TRAF3: variants seen among roughly 807,000 people sequenced by gnomAD.
TRAF3 encodes the protein TNF receptor associated factor 3, also known as TNF receptor-associated factor 3.
A neutral mutation model predicts 62.3 loss-of-function variants in TRAF3; 13 were observed. The ratio of observed to expected loss-of-function variants is 0.21; its 90% CI spans 0.14 to 0.33. The LOEUF is 0.33. Among genes scored for constraint, TRAF3 ranks in the 10% least tolerant of loss-of-function variants. The probability of loss-of-function intolerance (pLI) is 1.00; values close to 1 mark genes in which losing one functional copy is unlikely to be tolerated. For missense variants in TRAF3, 440 were observed against 741.8 expected, an observed-to-expected ratio of 0.59 and a Z score of 4.73; for synonymous variants, 269 against 283.4, an observed-to-expected ratio of 0.95 and a Z score of 0.51.
intron 2 of TRAF3, among the ~76,000 whole-genome samples, chr14:102,832,519 C>G (rs1030222348): frequency 1.3e-5 from 2 of 152,078 alleles, no homozygotes; most frequent in African/African-American, 4.8e-5. Flanking sequence ...ACTAAAAATA[C>G]AAATATGAGC....
intron 2 of TRAF3, among the ~76,000 whole-genome samples, chr14:102,859,804 T>C (rs1383773463): frequency 6.6e-6 from 1 of 152,198 alleles, no homozygotes; most frequent in Non-Finnish European, 1.5e-5. Flanking sequence ...GGTTTTTCCT[T>C]TGCCAGTTTC....
intron 2 of TRAF3, among the ~76,000 whole-genome samples, chr14:102,856,458 T>C (rs925476666): frequency 6.6e-6 from 1 of 152,212 alleles, no homozygotes; most frequent in South Asian, 2.1e-4. Context: ...TTTAGCATGC[T>C]GATGCATTAT....
At chr14:102,895,087 AG>A (rs1889931416) in intron 9 of TRAF3, 1 of 455,888 alleles carries the variant, frequency 2.2e-6, no homozygotes, top group Non-Finnish European at 4.4e-6. Flanking sequence ...ATGAGAATAA[AG>A]AGTCTGAGAA....
intron 10 of TRAF3, among the ~76,000 whole-genome samples, chr14:102,902,844 A>C (rs566224036): frequency 6.6e-6 from 1 of 152,286 alleles, no homozygotes; most frequent in East Asian, 1.9e-4. Context: ...CACCAGTGCC[A>C]CTGTGAAACA....
In TRAF3 at chr14:102,910,953, T is replaced by C. The variant is rs1890837560; in HGVS notation, c.*5169T>C. 1 of 152,228 alleles carries C rather than the reference T, an allele frequency of 6.6e-6. No individual in the cohort carries two copies. The highest frequency in any genetic ancestry group is 2.4e-5 in the African/African-American group (1 of 41,452). 9.4% of individuals were successfully genotyped at this position (152,228 alleles called of 1,614,324 possible). A position where few individuals can be genotyped will look rare whatever the true frequency, so the allele number is the denominator to read the frequency against. On this transcript the variant is annotated 3_prime_UTR_variant, in exon 12 of 12. Transcript: ENST00000392745. ...GATGTCCGGTGATTTCTGTAAGAAA[T>C]GCCTGTAGGAGAAGGTCTGTGAAGT...
intron 6 of TRAF3, among the ~76,000 whole-genome samples, chr14:102,881,536 A>G (rs1297622593): frequency 6.6e-6 from 1 of 152,228 alleles, no homozygotes; most frequent in Non-Finnish European, 1.5e-5. Flanking sequence ...AGAGCTGAAC[A>G]ATGAGAACAC....
chr14:102,785,729 T>C (rs1386875915), intron 1 of TRAF3, among the ~76,000 whole-genome samples: 1 of 152,214 alleles, frequency 6.6e-6, no homozygotes, highest in African/African-American at 2.4e-5. Context: ...TGTCAAGGTT[T>C]TGAACGTGCA....
At chr14:102,904,592 C>T (rs1288118458) in intron 11 of TRAF3, among the ~76,000 whole-genome samples, 1 of 151,632 alleles carries the variant, frequency 6.6e-6, no homozygotes, top group African/African-American at 2.4e-5. Flanking sequence ...GGGCAGATCA[C>T]GAGGTCAGGA....
At chr14:102,831,340 C>T (rs1248084917) in intron 2 of TRAF3, among the ~76,000 whole-genome samples, 1 of 152,202 alleles carries the variant, frequency 6.6e-6, no homozygotes, top group African/African-American at 2.4e-5. Context: ...AGGGCATTGA[C>T]ATAACAAGGT....
At chr14:102,857,225 T>G (rs1480960885) in intron 2 of TRAF3, among the ~76,000 whole-genome samples, 8 of 152,284 alleles carry the variant, frequency 5.3e-5, no homozygotes, top group African/African-American at 1.9e-4. Flanking sequence ...GATCACTGAT[T>G]GGTTCACAGG....
At chr14:102,811,170 G>A (rs997390921) in intron 1 of TRAF3, among the ~76,000 whole-genome samples, 3 of 152,208 alleles carry the variant, frequency 2.0e-5, no homozygotes, top group African/African-American at 7.2e-5. Flanking sequence ...ACAGTGGAGT[G>A]GAGGACAGCC....
rs907214480 is a variant in TRAF3, at chr14:102,826,308, G to A, written c.-156-4026G>A. Among the ~76,000 whole-genome samples, 7 of 152,094 alleles carry A rather than the reference G, an allele frequency of 4.6e-5. No homozygotes were observed. Among genetic ancestry groups the A allele is most frequent in the Non-Finnish European group, 1.0e-4 (7 of 67,992 alleles). ...ACAAGTGAGTTGTGCGTGTGGAGCA[G>A]GTGGCTGACATGTGGTGAGTCCTCC... On this transcript the variant is annotated intron_variant, in intron 1 of 11. Coordinates refer to ENST00000392745, the MANE Select transcript of TRAF3 (RefSeq NM_145725.3). The surrounding 1 kb of genome is among the most constrained non-coding windows in gnomAD (Gnocchi z 4.6).
chr14:102,862,401 C>CAA (rs34141177), intron 2 of TRAF3, among the ~76,000 whole-genome samples: 3 of 107,886 alleles, frequency 2.8e-5, no homozygotes, highest in African/African-American at 3.1e-5. Flanking sequence ...ATCCCTTCTC[C>CAA]AAAAAAAAAA....
intron 2 of TRAF3, among the ~76,000 whole-genome samples, chr14:102,868,980 T>G (rs1888166707): frequency 1.3e-5 from 2 of 152,168 alleles, no homozygotes; most frequent in African/African-American, 4.8e-5. Context: ...AAGAGTACCT[T>G]GTTAGCAAGT....
intron 1 of TRAF3, among the ~76,000 whole-genome samples, chr14:102,820,594 A>AT: frequency 9.9e-5 from 1 of 10,096 alleles, no homozygotes; most frequent in Non-Finnish European, 3.1e-4. Flanking sequence ...ATATATATAT[A>AT]TATATATATA....
intron 2 of TRAF3, among the ~76,000 whole-genome samples, chr14:102,859,123 T>C (rs1461051270): frequency 6.6e-6 from 1 of 152,112 alleles, no homozygotes; most frequent in Non-Finnish European, 1.5e-5. Flanking sequence ...TTTCACAAAA[T>C]TTCCACAACT....
At chr14:102,812,551 G>A (rs1371669696) in intron 1 of TRAF3, among the ~76,000 whole-genome samples, 3 of 152,266 alleles carry the variant, frequency 2.0e-5, no homozygotes, top group Admixed American at 6.5e-5. Context: ...TCTATTTGTA[G>A]CTTTTGAGGA....
chr14:102,879,253 G>C (rs1888901002), intron 6 of TRAF3, among the ~76,000 whole-genome samples: 1 of 152,236 alleles, frequency 6.6e-6, no homozygotes, highest in Middle Eastern at 3.4e-3. Context: ...CCATCATCCA[G>C]TTCCTGGTAG....
intron 2 of TRAF3, among the ~76,000 whole-genome samples, chr14:102,866,892 C>CACACACAG (rs1491199272): frequency 0.013 from 1,960 of 146,580 alleles, 65 homozygotes; most frequent in African/African-American, 0.047. Context: ...CACACACACA[C>CACACACAG]AAAACAATGA....
Sources: gnomAD v4.1 joint callset for allele counts (sites outside exome capture counted in the v4.1 genomes callset) on GRCh38, gnomAD v4.1.1 for gene constraint, Gnocchi (gnomAD v3.1) non-coding constraint, MANE v1.5 for transcripts, NCBI Gene and HGNC (gene_info 2026-07-23, HGNC 2026-07-21) for gene names.